Variants in REPS2 observed in about 807,000 individuals in gnomAD.
REPS2 encodes the protein RALBP1 associated Eps domain containing 2.
REPS2 carries 23 observed loss-of-function variants against 53.6 expected under a neutral mutation model. The observed-to-expected ratio is 0.43, with a 90% CI of 0.31 to 0.61. REPS2 has a LOEUF of 0.61. Among genes scored for constraint, REPS2 ranks in the 20% least tolerant of loss-of-function variants. REPS2 has a pLI of 0.11. For missense variants in REPS2, 446 were observed against 534.9 expected, an observed-to-expected ratio of 0.83 and a Z score of 1.64; for synonymous variants, 238 against 218.6, an observed-to-expected ratio of 1.09 and a Z score of -0.78.
In REPS2 at chrX:16,996,683, T is replaced by C. The variant is rs182198723; in HGVS notation, c.274-9538T>C. ...CTCTGTGCTAGAGAATCTCAATATA[T>C]TTAGATTTGGGCTTGAGAGAGAGAA... On this transcript the variant is annotated intron_variant, in intron 1 of 17. Coordinates refer to ENST00000357277, the MANE Select transcript of REPS2 (RefSeq NM_004726.3). Among the ~76,000 whole-genome samples, 323 of 112,363 alleles carry C rather than the reference T, an allele frequency of 2.9e-3. 1 individual carries two copies. The highest frequency in any genetic ancestry group is 9.5e-3 in the African/African-American group (295 of 30,944).
chrX:16,994,228 A>G (rs935094343), intron 1 of REPS2, among the ~76,000 whole-genome samples: 1 of 112,663 alleles, frequency 8.9e-6, no homozygotes, highest in African/African-American at 3.2e-5. Context: ...TTGCAAAAAT[A>G]GGGAACCAGC....
At chrX:17,053,753 A>G (rs944668765) in intron 7 of REPS2, among the ~76,000 whole-genome samples, 1 of 111,599 alleles carries the variant, frequency 9.0e-6, no homozygotes, top group African/African-American at 3.3e-5. Flanking sequence ...GAGACCTCCT[A>G]TCTTTTTGTT....
intron 8 of REPS2, among the ~76,000 whole-genome samples, chrX:17,057,718 T>C (rs1357176281): frequency 8.9e-6 from 1 of 112,708 alleles, no homozygotes. Context: ...TGTCTTGTCT[T>C]GTCTTTTTCT....
intron 1 of REPS2, among the ~76,000 whole-genome samples, chrX:16,965,892 G>C (rs968539207): frequency 9.8e-5 from 11 of 112,719 alleles, no homozygotes; most frequent in African/African-American, 2.9e-4. Flanking sequence ...CGGGTCACTC[G>C]CGGTTAGGAG....
At chrX:17,077,642 T>A (rs188220253) in intron 13 of REPS2, among the ~76,000 whole-genome samples, 242 of 112,302 alleles carry the variant, frequency 2.2e-3, no homozygotes, top group Middle Eastern at 4.6e-3. Flanking sequence ...ATTAGGAAAT[T>A]CTCTACCAAG....
chrX:17,102,596 A>G (rs1445026161), intron 13 of REPS2, among the ~76,000 whole-genome samples: 1 of 112,204 alleles, frequency 8.9e-6, no homozygotes, highest in African/African-American at 3.2e-5. Context: ...ATAGAGAGAA[A>G]TCATAGATAG....
chrX:16,995,169 T>G (rs941889158), intron 1 of REPS2, among the ~76,000 whole-genome samples: 10 of 112,265 alleles, frequency 8.9e-5, no homozygotes, highest in Admixed American at 2.8e-4. Flanking sequence ...TGTGTGCTGA[T>G]AGCCATTTGT....
At chrX:17,186,326 C>T in the REPS2 span, among the ~76,000 whole-genome samples, 17 of 112,437 alleles carry the variant, frequency 1.5e-4, no homozygotes, top group Admixed American at 9.4e-4. Context: ...TACAGTTTCA[C>T]GTCTATCACA....
the REPS2 span, among the ~76,000 whole-genome samples, chrX:17,174,831 AG>A: frequency 3.6e-5 from 4 of 112,594 alleles, no homozygotes; most frequent in African/African-American, 1.3e-4. Context: ...CTATTTTTCT[AG>A]AAGCCAAAGC....
chrX:16,952,221 T>TC (rs2060523294), intron 1 of REPS2, among the ~76,000 whole-genome samples: 1 of 111,224 alleles, frequency 9.0e-6, no homozygotes, highest in African/African-American at 3.3e-5. Flanking sequence ...ATGCTATCTC[T>TC]CCCCTAGCCC....
intron 1 of REPS2, among the ~76,000 whole-genome samples, chrX:16,952,897 G>A (rs1316817471): frequency 1.8e-5 from 2 of 110,819 alleles, no homozygotes; most frequent in Non-Finnish European, 3.8e-5. Context: ...AGGCCGAGGC[G>A]GGCAGATCAG....
chrX:17,050,040 C>T (rs6629201), intron 6 of REPS2, among the ~76,000 whole-genome samples: 37,466 of 104,806 alleles, frequency 0.36, 6,019 homozygotes, highest in East Asian at 0.8. Flanking sequence ...CTGCAAGCTC[C>T]ATTCATGGTA....
rs752680998 is a variant in REPS2 at position 17,072,446 on chromosome X, C to G, written c.1334-1668C>G. Among the ~76,000 whole-genome samples, 45 of 111,366 alleles carry G rather than the reference C, an allele frequency of 4.0e-4. 1 individual carries two copies. In the East Asian group the frequency reaches 0.012, roughly 31 times the overall value. On this transcript the variant is annotated intron_variant, in intron 11 of 17. Transcript: ENST00000357277. ...CCTGGCCTGGTCTCTAGTCCTGTCT[C>G]TCCACTACTCATCCACACCCTCACC...
At chrX:17,133,687 G>A (rs2063324128) in intron 14 of REPS2, 137 bp from the exon 15 acceptor site, 4 of 531,788 alleles carry the variant, frequency 7.5e-6, no homozygotes, top group Non-Finnish European at 1.3e-5. Context: ...CCAAGGATCA[G>A]CAGACTTAAG....
At chrX:17,021,434 G>A (rs2061576639) in intron 2 of REPS2, among the ~76,000 whole-genome samples, 1 of 112,576 alleles carries the variant, frequency 8.9e-6, no homozygotes, top group Admixed American at 9.4e-5. Context: ...ACTTGATATT[G>A]TTTTCCTTAT....
chrX:17,099,543 A>G (rs1464113738), intron 13 of REPS2, among the ~76,000 whole-genome samples: 1 of 111,969 alleles, frequency 8.9e-6, no homozygotes, highest in African/African-American at 3.2e-5. Context: ...CAAAGTGCAG[A>G]AAAGGTTGCC....
chrX:16,977,469 C>T (rs1394767246), intron 1 of REPS2, among the ~76,000 whole-genome samples: 1 of 110,703 alleles, frequency 9.0e-6, no homozygotes, highest in Non-Finnish European at 1.9e-5. Context: ...AATCCCAGCA[C>T]TTTGGGAGGC....
At chrX:16,956,216 A>G (rs1286893152) in intron 1 of REPS2, among the ~76,000 whole-genome samples, 4 of 101,793 alleles carry the variant, frequency 3.9e-5, no homozygotes, top group Non-Finnish European at 7.9e-5. Context: ...TTTTTTTACT[A>G]ACTGCCCTTC....
At chrX:17,034,760 A>G (rs1294863469) in intron 5 of REPS2, among the ~76,000 whole-genome samples, 5 of 111,742 alleles carry the variant, frequency 4.5e-5, no homozygotes, top group Admixed American at 3.8e-4. Context: ...CATATTCTCA[A>G]CACTCACTAC....
Sources: allele counts gnomAD v4.1 joint callset (sites outside exome capture counted in the v4.1 genomes callset), GRCh38; gene constraint gnomAD v4.1.1; transcripts MANE v1.5; gene names NCBI Gene and HGNC (gene_info 2026-07-23, HGNC 2026-07-21).